TMEM117: variants seen among roughly 807,000 people sequenced by gnomAD.
TMEM117 encodes the protein transmembrane protein 117.
In TMEM117, 27 loss-of-function variants were observed where a neutral mutation model predicts 52.4. The observed-to-expected ratio is 0.51, with a 90% CI of 0.38 to 0.71. The LOEUF (loss-of-function observed/expected upper bound fraction) is 0.71. Ranked by LOEUF, TMEM117 falls within the 30% of genes least tolerant of loss-of-function variation. The pLI is 0.00. For synonymous variants in TMEM117, 215 were observed against 206.3 expected (o/e 1.04, Z -0.36); for missense variants, 556 against 630.5 (o/e 0.88, Z 1.26).
intron 6 of TMEM117, among the ~76,000 whole-genome samples, chr12:44,352,572 T>G (rs1951579748): frequency 6.6e-6 from 1 of 152,180 alleles, no homozygotes; most frequent in Non-Finnish European, 1.5e-5. Flanking sequence ...TGCGATAGTT[T>G]GCTGTGAATG....
intron 5 of TMEM117, among the ~76,000 whole-genome samples, chr12:44,211,818 G>A (rs1233584826): frequency 6.6e-6 from 1 of 152,164 alleles, no homozygotes; most frequent in African/African-American, 2.4e-5. Flanking sequence ...TCTTCTTTAT[G>A]TAGTTTCGTT....
chr12:43,836,328 C>G (rs1943028216), intron 1 of TMEM117, 132 bp downstream of exon 1: 1 of 152,340 alleles, frequency 6.6e-6, no homozygotes, highest in Non-Finnish European at 1.5e-5. Flanking sequence ...GAAGCAGCCG[C>G]GGAACCCCGG....
chr12:44,371,361 G>A (rs908382099), intron 6 of TMEM117, among the ~76,000 whole-genome samples: 3 of 152,090 alleles, frequency 2.0e-5, no homozygotes, highest in Admixed American at 1.3e-4. Context: ...ATAATCTAAT[G>A]CCTATAAAAA....
In TMEM117 at chr12:44,341,636, G is replaced by A. The variant is rs115994624; in HGVS notation, c.769-34959G>A. On this transcript the variant is annotated intron_variant, in intron 6 of 7. Coordinates refer to ENST00000266534, the MANE Select transcript of TMEM117 (RefSeq NM_032256.3). ...GGTGGTCATCTTGGCCTGTGACTGT[G>A]TTTGGGTCTCTAAATCAACTAGAAC... Among the ~76,000 whole-genome samples, 227 of 152,210 alleles carry A rather than the reference G, an allele frequency of 1.5e-3. 2 individuals are homozygous for A. The highest frequency in any genetic ancestry group is 5.3e-3 in the African/African-American group (222 of 41,558).
chr12:44,288,835 T>C (rs1442207641), intron 5 of TMEM117, among the ~76,000 whole-genome samples: 1 of 152,164 alleles, frequency 6.6e-6, no homozygotes, highest in Non-Finnish European at 1.5e-5. Context: ...TCATCATACA[T>C]AGTTAACCAT....
chr12:44,219,463 T>C (rs917749381), intron 5 of TMEM117, among the ~76,000 whole-genome samples: 1 of 152,160 alleles, frequency 6.6e-6, no homozygotes, highest in Non-Finnish European at 1.5e-5. Flanking sequence ...CTCTCAATTA[T>C]GGAGGTTAAG....
At chr12:44,096,631 T>C (rs1189840703) in intron 3 of TMEM117, among the ~76,000 whole-genome samples, 1 of 151,654 alleles carries the variant, frequency 6.6e-6, no homozygotes, top group Admixed American at 6.6e-5. Context: ...CCCTATTTAA[T>C]AAATGGTGCT....
chr12:43,856,788 A>G (rs1943407311), intron 2 of TMEM117, among the ~76,000 whole-genome samples: 1 of 152,198 alleles, frequency 6.6e-6, no homozygotes, highest in East Asian at 1.9e-4. Flanking sequence ...CAGTTTTTAT[A>G]TATCACAAAT....
upstream of TMEM117, among the ~76,000 whole-genome samples, chr12:43,835,789 G>A (rs935830274): frequency 1.3e-5 from 2 of 151,842 alleles, no homozygotes; most frequent in African/African-American, 4.8e-5. Context: ...GGCCCGGGCA[G>A]GCTCGGCCCG....
chr12:44,390,970 A>G (rs917515281), downstream of TMEM117, among the ~76,000 whole-genome samples: 4 of 152,170 alleles, frequency 2.6e-5, no homozygotes, highest in African/African-American at 7.2e-5. Context: ...ACTATTAAGG[A>G]CATTTTAAAA....
At chr12:44,155,947 A>G (rs1948819547) in intron 4 of TMEM117, among the ~76,000 whole-genome samples, 1 of 151,954 alleles carries the variant, frequency 6.6e-6, no homozygotes. Context: ...TCGCACCCTT[A>G]AACTTATCCA....
intron 3 of TMEM117, among the ~76,000 whole-genome samples, chr12:44,116,411 A>C (rs1283399388): frequency 6.6e-6 from 1 of 151,174 alleles, no homozygotes; most frequent in African/African-American, 2.4e-5. Context: ...TGCAAACTGC[A>C]CTTCTAGCCT....
intron 5 of TMEM117, among the ~76,000 whole-genome samples, chr12:44,213,921 A>G (rs1430957253): frequency 1.3e-5 from 2 of 152,090 alleles, no homozygotes; most frequent in Non-Finnish European, 2.9e-5. Context: ...CTTCAAAGGT[A>G]GCTGATTGAT....
intron 5 of TMEM117, among the ~76,000 whole-genome samples, chr12:44,280,215 T>G (rs1288184590): frequency 1.3e-5 from 2 of 152,322 alleles, no homozygotes; most frequent in East Asian, 3.9e-4. Context: ...TGACTGTTGT[T>G]AATCCCTGTA....
intron 6 of TMEM117, among the ~76,000 whole-genome samples, chr12:44,358,270 CA>C (rs2138800872): frequency 6.6e-6 from 1 of 151,910 alleles, no homozygotes; most frequent in Admixed American, 6.6e-5. Context: ...CCTAGCATCA[CA>C]CAATATATCC....
intron 2 of TMEM117, among the ~76,000 whole-genome samples, chr12:43,860,138 A>T: frequency 6.6e-6 from 1 of 152,180 alleles, no homozygotes; most frequent in Non-Finnish European, 1.5e-5. Context: ...CCCATCACCT[A>T]CATTAGGTAT....
chr12:43,838,123 T>G (rs974344325), intron 1 of TMEM117, among the ~76,000 whole-genome samples: 1 of 152,156 alleles, frequency 6.6e-6, no homozygotes, highest in Non-Finnish European at 1.5e-5. Flanking sequence ...TTATTGCTAT[T>G]TGTGTTTTTT....
At chr12:43,983,696 T>C (rs1945799707) in intron 3 of TMEM117, among the ~76,000 whole-genome samples, 1 of 151,240 alleles carries the variant, frequency 6.6e-6, no homozygotes, top group South Asian at 2.1e-4. Flanking sequence ...TAATCTACAT[T>C]GAGAACTTAT....
At chr12:44,030,404 G>C (rs908032622) in intron 3 of TMEM117, among the ~76,000 whole-genome samples, 1 of 152,122 alleles carries the variant, frequency 6.6e-6, no homozygotes, top group Non-Finnish European at 1.5e-5. Flanking sequence ...ACTTCTGCCT[G>C]GTGTGTCCTA....
Sources: allele counts gnomAD v4.1 joint callset (sites outside exome capture counted in the v4.1 genomes callset), GRCh38; gene constraint gnomAD v4.1.1; transcripts MANE v1.5; gene names NCBI Gene and HGNC (gene_info 2026-07-23, HGNC 2026-07-21).